NFE2L3: variants seen among roughly 807,000 people sequenced by gnomAD.
NFE2L3 encodes nuclear factor erythroid 2-related factor 3.
In NFE2L3, 18 loss-of-function variants were observed where a neutral mutation model predicts 23.5. The ratio of observed to expected loss-of-function variants is 0.77; its 90% CI spans 0.53 to 1.13. The LOEUF is 1.13. NFE2L3 is among the 50% of genes most tolerant of loss of function. The probability of loss-of-function intolerance (pLI) is 0.00; values close to 1 mark genes in which losing one functional copy is unlikely to be tolerated. For synonymous variants in NFE2L3, 424 were observed against 354.5 expected (o/e 1.20, Z -2.20); for missense variants, 1,152 against 877.2 (o/e 1.31, Z -3.96).
In NFE2L3 at chr7:26,170,067, T is replaced by C. The variant is rs1465463879; in HGVS notation, c.571-7876T>C. 2.0e-5 allele frequency among the ~76,000 whole-genome samples: 3 copies of C among 152,240 alleles called. No individual in the cohort carries two copies. In the East Asian group the frequency reaches 5.8e-4, roughly 29 times the overall value. On this transcript the variant is annotated intron_variant, in intron 1 of 3. Transcript: ENST00000056233. Reference sequence around the variant, plus strand: ...CCTGGTTTATGCTTGTTGCCCAGCCTAATGGTTAATAGTACCCTCTTACCC... The same window carrying C: ...CCTGGTTTATGCTTGTTGCCCAGCCCAATGGTTAATAGTACCCTCTTACCC...
chr7:26,176,866 A>G (rs57643336), intron 1 of NFE2L3, among the ~76,000 whole-genome samples: 1,410 of 41,868 alleles, frequency 0.034, 141 homozygotes, highest in Non-Finnish European at 0.039. Flanking sequence ...GGGCAGAGGC[A>G]CTCCTCACCT....
chr7:26,183,607 AAATAATAC>A, intron 2 of NFE2L3, 86 bp from the exon 3 acceptor site: 1 of 758,460 alleles, frequency 1.3e-6, no homozygotes, highest in South Asian at 1.6e-5. Flanking sequence ...TCCAGTGTGG[AAATAATAC>A]CTGGTGATCC....
In NFE2L3 at chr7:26,184,860, A is replaced by G. The variant is rs780639957; in HGVS notation, c.1162A>G (p.Ile388Val). Reference protein sequence around the residue: ...QDLLYDLDINIFDEINLMSLA... With the variant: ...QDLLYDLDINVFDEINLMSLA... ...CCTACTGTATGACCTTGACATAAAT[A>G]TATTTGATGAGATAAACTTAATGTC... The change falls in exon 4 of 4, where the codon ATA becomes GTA. Residue 388 changes from isoleucine (I) to valine (V), a missense_variant. Coordinates refer to ENST00000056233, the MANE Select transcript of NFE2L3 (RefSeq NM_004289.7). 8 of 1,613,962 alleles carry G rather than the reference A, an allele frequency of 5.0e-6. No individual in the cohort carries two copies. Among genetic ancestry groups the G allele is most frequent in the South Asian group, 1.1e-5 (1 of 91,072 alleles).
At chr7:26,184,271 A>G (rs766258084) in intron 3 of NFE2L3, 1 of 433,996 alleles carries the variant, frequency 2.3e-6, no homozygotes, top group Non-Finnish European at 4.1e-6. Flanking sequence ...AGATTGTAAC[A>G]TTAGACTTTT....
intron 1 of NFE2L3, among the ~76,000 whole-genome samples, chr7:26,163,669 T>A (rs1784204743): frequency 6.6e-6 from 1 of 152,168 alleles, no homozygotes; most frequent in Non-Finnish European, 1.5e-5. Context: ...TTATTTATTT[T>A]ATTATACTTT....
chr7:26,152,722 A>AC lies in NFE2L3; in HGVS notation c.228dup (p.Lys77GlnfsTer129). 6.8e-7 allele frequency: 1 copy of AC among 1,474,358 alleles called. No individual in the cohort carries two copies. Among genetic ancestry groups the AC allele is most frequent in the Non-Finnish European group, 8.9e-7 (1 of 1,119,998 alleles). The allele number at this position is 1,474,358 out of a possible 1,614,324, so 91.3% of individuals were successfully genotyped here. On this transcript the variant is annotated frameshift_variant, in exon 1 of 4. Transcript: ENST00000056233. LOFTEE classifies it high-confidence loss of function. This position sits in a 1 kb window ranked among gnomAD's most constrained non-coding sequence, Gnocchi z 4.4. ...GGGTGGGGGCGCGCGGGCCACTTGC[A>AC]CCCCAAGGGCCGGGAGCTGGACCCT...
At chr7:26,181,205 G>C (rs1274990323) in intron 2 of NFE2L3, among the ~76,000 whole-genome samples, 1 of 152,120 alleles carries the variant, frequency 6.6e-6, no homozygotes, top group Non-Finnish European at 1.5e-5. Flanking sequence ...TCAAATTCCT[G>C]GGCTCAAGCA....
At chr7:26,178,217 G>A (rs1162912733) in intron 2 of NFE2L3, 95 bp downstream of exon 2, 3 of 1,005,912 alleles carry the variant, frequency 3.0e-6, no homozygotes, top group Non-Finnish European at 4.4e-6. Context: ...ATGTAAAACA[G>A]TATGCTCTAC....
intron 2 of NFE2L3, among the ~76,000 whole-genome samples, chr7:26,182,304 C>CT (rs1454671394): frequency 7.7e-6 from 1 of 129,474 alleles, no homozygotes; most frequent in Admixed American, 7.2e-5. Flanking sequence ...TACCAGTTAA[C>CT]TCATCATTTA....
Position 26,176,353 on chromosome 7 carries a change from CATTCTCG to C in NFE2L3, c.571-1587_571-1581del, listed in dbSNP as rs1784405306. On this transcript the variant is annotated intron_variant, in intron 1 of 3. Transcript: ENST00000056233. ...CAAAACCGCCATCGTCATCATGGCC[CATTCTCG>C]ATGGTCACTGTCTCTTCGGAGCTGT... Among the ~76,000 whole-genome samples, 12 of 152,356 alleles carry C rather than the reference CATTCTCG, an allele frequency of 7.9e-5. No homozygotes were observed. The South Asian group carries it at 2.5e-3, about 32-fold the overall frequency.
Position 26,183,763 on chromosome 7 carries a change from A to G in NFE2L3, c.813A>G (p.Ser271=). 1 of 1,612,908 alleles carries G rather than the reference A, an allele frequency of 6.2e-7. No individual in the cohort carries two copies. The highest frequency in any genetic ancestry group is 2.2e-5 in the East Asian group (1 of 44,872). ...SLEDLFQLLS[S]QPENSLEGIS... The stretch of plus-strand genomic sequence containing the variant: ...AAGACTTATTCCAGTTGCTTTCATC[A>G]CAGCCTGAAAATTCACTGGAGGTAA... The change falls in exon 3 of 4, where the codon TCA becomes TCG. Residue 271 remains serine, a synonymous_variant. Transcript: ENST00000056233.
rs370627944 is a variant in NFE2L3, at chr7:26,187,071, A to ATGCAGT, written c.*1290_*1295dup. 6.6e-6 allele frequency: 1 copy of ATGCAGT among 152,232 alleles called. No individual in the cohort carries two copies. The highest frequency in any genetic ancestry group is 2.4e-5 in the African/African-American group (1 of 41,464). 9.4% of individuals were successfully genotyped at this position (152,232 alleles called of 1,614,324 possible). A position where few individuals can be genotyped will look rare whatever the true frequency, so the allele number is the denominator to read the frequency against. On this transcript the variant is annotated 3_prime_UTR_variant, in exon 4 of 4. Transcript: ENST00000056233. ...CACATAAGTATCTTGGGCTAGAGAA[A>ATGCAGT]TGCAGTTTATATATACCGTTGGATT...
Position 26,152,617 on chromosome 7 carries a change from C to A in NFE2L3, c.119C>A (p.Thr40Asn), listed in dbSNP as rs765305183. Residue 40 changes from threonine to asparagine, a missense_variant, in exon 1 of 4, where the codon ACC (threonine) becomes AAC (asparagine). By Grantham distance (65) the Thr-to-Asn change is moderately conservative. Transcript: ENST00000056233. This position sits in a 1 kb window ranked among gnomAD's most constrained non-coding sequence, Gnocchi z 4.4. ...CTTTACCTGCTGCTGCCGCCGCCCA[C>A]CCTGCTGCAGGACGAGCTGCTGTTC... ...LDLYLLLPPPTLLQDELLFLG... is the reference protein window; with the variant it reads ...LDLYLLLPPPNLLQDELLFLG... 1 of 1,538,106 alleles carries A rather than the reference C, an allele frequency of 6.5e-7. No homozygotes were observed. The highest frequency in any genetic ancestry group is 2.6e-5 in the East Asian group (1 of 38,028).
chr7:26,157,042 G>A (rs1375963006), intron 1 of NFE2L3, among the ~76,000 whole-genome samples: 1 of 152,118 alleles, frequency 6.6e-6, no homozygotes, highest in Non-Finnish European at 1.5e-5. Flanking sequence ...AACCTGGGAG[G>A]CGGAGGGTGC....
chr7:26,178,668 A>G (rs1784457155), intron 2 of NFE2L3, among the ~76,000 whole-genome samples: 1 of 152,194 alleles, frequency 6.6e-6, no homozygotes. Flanking sequence ...GAAGAGGTGT[A>G]CAAAGATGAA....
At chr7:26,176,283 C>G (rs1053018238) in intron 1 of NFE2L3, among the ~76,000 whole-genome samples, 3 of 152,212 alleles carry the variant, frequency 2.0e-5, no homozygotes, top group African/African-American at 7.2e-5. Flanking sequence ...CAGTAACAAT[C>G]TGATCTCTCG....
intron 1 of NFE2L3, among the ~76,000 whole-genome samples, chr7:26,160,745 C>A (rs1052477690): frequency 2.0e-5 from 3 of 152,238 alleles, no homozygotes; most frequent in African/African-American, 4.8e-5. Flanking sequence ...ATGCTAACCA[C>A]ATGTACAGAA....
intron 2 of NFE2L3, among the ~76,000 whole-genome samples, chr7:26,180,214 G>A (rs1264822827): frequency 6.6e-6 from 1 of 152,114 alleles, no homozygotes; most frequent in Non-Finnish European, 1.5e-5. Flanking sequence ...GTTCTAAGTG[G>A]TCTCCTTGAG....
In NFE2L3 at chr7:26,164,476, T is replaced by C. The variant is rs986674325; in HGVS notation, c.570+11408T>C. On this transcript the variant is annotated intron_variant, in intron 1 of 3. Transcript: ENST00000056233. ...TCTTCTTTTAAGAAGTGTCTGTTCA[T>C]ATCCTTTGCCCGCTTGTTGATGGGG... Among the ~76,000 whole-genome samples the C allele has an allele frequency of 5.9e-5, 9 of 152,390 alleles. No homozygotes were observed. In the East Asian group the frequency reaches 1.5e-3, roughly 26 times the overall value.
Sources: allele counts gnomAD v4.1 joint callset (sites outside exome capture counted in the v4.1 genomes callset), GRCh38; gene constraint gnomAD v4.1.1; non-coding constraint Gnocchi (gnomAD v3.1); transcripts MANE v1.5; gene names NCBI Gene and HGNC (gene_info 2026-07-23, HGNC 2026-07-21).